Variants in PARP9 observed in about 807,000 individuals in gnomAD.
The protein encoded by PARP9 is protein mono-ADP-ribosyltransferase PARP9.
PARP9 carries 48 observed loss-of-function variants against 68.8 expected under a neutral mutation model. That is an observed-to-expected ratio of 0.70 (90% confidence interval 0.55 to 0.89). The LOEUF (loss-of-function observed/expected upper bound fraction) is 0.89, where lower values mean the gene tolerates loss of function less well. Ranked by LOEUF, PARP9 falls within the 40% of genes least tolerant of loss-of-function variation. The pLI is 0.00. For missense variants in PARP9, 806 were observed against 969.3 expected (o/e 0.83, Z 2.24); for synonymous variants, 309 against 333.8 (o/e 0.93, Z 0.81).
chr3:122,564,405 C>G (rs1237128894), upstream of PARP9: 8 of 1,596,260 alleles, frequency 5.0e-6, no homozygotes, highest in Non-Finnish European at 6.8e-6. Flanking sequence ...GGAGCCCCCG[C>G]GCCCTCCCGA....
intron 10 of PARP9, chr3:122,533,845 G>A (rs2077463772): frequency 2.0e-6 from 2 of 985,366 alleles, no homozygotes; most frequent in African/African-American, 1.7e-5. Flanking sequence ...TCCTTTGCCT[G>A]TGGGTGGCCA....
In PARP9 at chr3:122,552,635, T is replaced by A; in HGVS notation, c.890A>T (p.Asp297Val). The change falls in exon 5 of 11, where the codon GAT (aspartate) becomes GTT (valine). Residue 297 changes from aspartate (D) to valine (V), a missense_variant. Transcript: ENST00000682323. ...VQGHIEWQTA[D>V]VIVNSVNPHD... ...TGGGTTTACAGAATTAACAATTACATCTGCCTGAAAAGGGAAGAAAGGGTA... is the reference window on the plus strand; with the variant it reads ...TGGGTTTACAGAATTAACAATTACAACTGCCTGAAAAGGGAAGAAAGGGTA... The A allele has an allele frequency of 6.2e-7, 1 of 1,605,230 alleles. No homozygotes were observed. Among genetic ancestry groups the A allele is most frequent in the South Asian group, 1.1e-5 (1 of 90,932 alleles).
intron 10 of PARP9, among the ~76,000 whole-genome samples, chr3:122,530,862 AG>A (rs1053349083): frequency 6.6e-6 from 1 of 152,190 alleles, no homozygotes; most frequent in Non-Finnish European, 1.5e-5. Flanking sequence ...CAGGAGTTTG[AG>A]ACTAGCCTGG....
At chr3:122,532,462 C>T in intron 10 of PARP9, 3 of 969,958 alleles carry the variant, frequency 3.1e-6, no homozygotes, top group Non-Finnish European at 3.7e-6. Flanking sequence ...GAGTTTCAAT[C>T]TTGAAGGGAC....
At chr3:122,536,137 G>A in intron 10 of PARP9, 31 bp downstream of exon 10, 3 of 1,614,106 alleles carry the variant, frequency 1.9e-6, no homozygotes, top group Non-Finnish European at 2.5e-6. Flanking sequence ...ATTCCACAGA[G>A]TAGCCCCAAT....
intron 8 of PARP9, among the ~76,000 whole-genome samples, chr3:122,538,377 T>C (rs1008006310): frequency 3.9e-5 from 6 of 152,234 alleles, no homozygotes; most frequent in African/African-American, 1.4e-4. Flanking sequence ...AGGCCATGCC[T>C]AACTTTGATT....
rs74853623 is a variant in PARP9 at position 122,538,752 on chromosome 3, C to G, written c.1766-1679G>C. Among the ~76,000 whole-genome samples, 949 of 152,064 alleles carry G rather than the reference C, an allele frequency of 6.2e-3. 5 individuals are homozygous for G. Among genetic ancestry groups the G allele is most frequent in the Non-Finnish European group, 0.01 (690 of 67,990 alleles). ...ATCCATGTTTCTTTGTATCCTGTTC[C>G]CCTAAGCTGGCACTGGTGTCAGTTT... On this transcript the variant is annotated intron_variant, in intron 8 of 10. Coordinates refer to ENST00000682323, the MANE Select transcript of PARP9 (RefSeq NM_001146105.2).
At position 122,536,304 on chromosome 3, in the gene PARP9, A is replaced by G; in HGVS notation, c.1944T>C (p.Phe648=). ...CTTCCATCATTTTCTTCTTTCTTTG[A>G]AAGGCAGCCATAAGGACCTCATTGT... ...KIDNEVLMAA[F]QRKKKMMEEK... Residue 648 remains phenylalanine (F), a synonymous_variant, in exon 10 of 11, where the codon TTT becomes TTC. Coordinates refer to ENST00000682323, the MANE Select transcript of PARP9 (RefSeq NM_001146105.2). 4 of 1,614,206 alleles carry G rather than the reference A, an allele frequency of 2.5e-6. No individual in the cohort carries two copies. Among genetic ancestry groups the G allele is most frequent in the Non-Finnish European group, 3.4e-6 (4 of 1,180,028 alleles).
intron 2 of PARP9, 113 bp from the exon 3 acceptor site, chr3:122,558,580 T>C: frequency 2.3e-6 from 3 of 1,305,394 alleles, no homozygotes; most frequent in East Asian, 2.4e-5. Flanking sequence ...CTCAAAGCAC[T>C]GTGTTTGGGA....
At chr3:122,559,445 C>T (rs1390804076) in intron 2 of PARP9, among the ~76,000 whole-genome samples, 161 bp downstream of exon 2, 1 of 152,156 alleles carries the variant, frequency 6.6e-6, no homozygotes, top group East Asian at 1.9e-4. Flanking sequence ...TTCTTGATTC[C>T]CCATTTCTCA....
intron 3 of PARP9, 127 bp from the exon 4 acceptor site, chr3:122,556,248 T>A (rs990585846): frequency 8.0e-6 from 5 of 628,446 alleles, no homozygotes; most frequent in African/African-American, 7.4e-5. Flanking sequence ...GAGATGAACT[T>A]CATGTAGTGC....
At position 122,555,950 on chromosome 3, in the gene PARP9, A is replaced by C; in HGVS notation, c.221T>G (p.Val74Gly). Residue 74 changes from valine (V) to glycine (G), a missense_variant, in exon 4 of 11, where the codon GTG (valine) becomes GGG (glycine). Val to Gly is a moderately radical substitution (Grantham distance 109). This residue lies in a region of PARP9 where 126 missense variants were observed against 110.5 expected (regional missense o/e 1.14). Transcript: ENST00000682323. ...CCTAGGAGTCAGCATTTTTCTGAAC[A>C]CTTGCAGAGATTTGCTGTTGCCTTC... ...VQEGNSKSLQ[V>G]FRKMLTPRIE... 3.7e-6 allele frequency: 6 copies of C among 1,613,956 alleles called. No homozygotes were observed. The highest frequency in any genetic ancestry group is 5.1e-6 in the Non-Finnish European group (6 of 1,179,990).
At chr3:122,547,611 G>A (rs929960965) in intron 6 of PARP9, among the ~76,000 whole-genome samples, 2 of 152,006 alleles carry the variant, frequency 1.3e-5, no homozygotes, top group African/African-American at 4.8e-5. Context: ...CCAGAATTTT[G>A]GGAGGCTGAG....
Position 122,550,750 on chromosome 3 carries a change from A to G in PARP9, c.1160T>C (p.Ile387Thr). 2 of 1,614,152 alleles carry G rather than the reference A, an allele frequency of 1.2e-6. No individual in the cohort carries two copies. Among genetic ancestry groups the G allele is most frequent in the East Asian group, 2.2e-5 (1 of 44,876 alleles). The change falls in exon 6 of 11, where the codon ATA becomes ACA. Residue 387 changes from isoleucine (I) to threonine (T), a missense_variant. By Grantham distance (89) the Ile-to-Thr change is moderately conservative. Coordinates refer to ENST00000682323, the MANE Select transcript of PARP9 (RefSeq NM_001146105.2). ...AAGGGCAGGAAAGGAAATGGAAGTTATATTTTGCTCAATGCATTTTTCCAA... is the reference window on the plus strand; with the variant it reads ...AAGGGCAGGAAAGGAAATGGAAGTTGTATTTTGCTCAATGCATTTTTCCAA... ...ECLEKCIEQN[I>T]TSISFPALGT...
intron 4 of PARP9, among the ~76,000 whole-genome samples, chr3:122,553,032 T>C (rs1271433443): frequency 6.6e-6 from 1 of 152,194 alleles, no homozygotes; most frequent in East Asian, 1.9e-4. Flanking sequence ...GTTTTTGTTT[T>C]GTCTCGTTTT....
Position 122,550,552 on chromosome 3 carries a change from A to T in PARP9, c.1326+32T>A, listed in dbSNP as rs777674156. The T allele has an allele frequency of 6.7e-6, 10 of 1,503,690 alleles. No individual in the cohort carries two copies. The South Asian group carries it at 6.9e-5, about 10-fold the overall frequency. The allele number at this position is 1,503,690 out of a possible 1,614,324, so 93.1% of individuals were successfully genotyped here. A position where few individuals can be genotyped will look rare whatever the true frequency, so the allele number is the denominator to read the frequency against. ...TGCTGAATGAATGAATGAATGAATGAACAGTAGGACATTTCTAAGATATTA... is the reference window on the plus strand; with the variant it reads ...TGCTGAATGAATGAATGAATGAATGTACAGTAGGACATTTCTAAGATATTA... On this transcript the variant is annotated intron_variant, in intron 6 of 10. Coordinates refer to ENST00000682323, the MANE Select transcript of PARP9 (RefSeq NM_001146105.2).
chr3:122,555,920 T>A lies in PARP9; in HGVS notation c.251A>T (p.Glu84Val). 6.2e-7 allele frequency: 1 copy of A among 1,614,018 alleles called. No individual in the cohort carries two copies. Residue 84 changes from glutamate (E) to valine (V), a missense_variant, in exon 4 of 11, where the codon GAG becomes GTG. By Grantham distance (121) the Glu-to-Val change is moderately radical (BLOSUM62 -2). Transcript: ENST00000682323. ...GAGGTCATCTTTCCAGACTGATAAC[T>A]CTATCCTAGGAGTCAGCATTTTTCT... is the stretch of plus-strand genomic sequence containing the variant. ...VFRKMLTPRI[E>V]LSVWKDDLTT...
At chr3:122,532,012 T>C in intron 10 of PARP9, 1 of 433,282 alleles carries the variant, frequency 2.3e-6, no homozygotes, top group Non-Finnish European at 3.1e-6. Flanking sequence ...GGCAGAACAA[T>C]GGAAATCTCG....
rs560581097 is a variant in PARP9 at position 122,534,801 on chromosome 3, C to T, written c.2080+1367G>A. The T allele has an allele frequency of 2.0e-5, 10 of 497,864 alleles. No individual in the cohort carries two copies. The South Asian group carries it at 2.6e-4, about 13-fold the overall frequency. 30.8% of individuals were successfully genotyped at this position (497,864 alleles called of 1,614,324 possible). ...TGAGGCAGGAGAACTGTTTGAATCT[C>T]GGAGGCGGAGGTTGCAGTGAGCCAA... On this transcript the variant is annotated intron_variant, in intron 10 of 10. Coordinates refer to ENST00000682323, the MANE Select transcript of PARP9 (RefSeq NM_001146105.2).
Sources: gnomAD v4.1 joint callset for allele counts (sites outside exome capture counted in the v4.1 genomes callset) on GRCh38, gnomAD v4.1.1 for gene constraint, gnomAD v4.1.1 regional missense constraint, MANE v1.5 for transcripts, NCBI Gene and HGNC (gene_info 2026-07-23, HGNC 2026-07-21) for gene names.